Variants in OTUD3 observed in about 807,000 individuals in gnomAD.
OTUD3 encodes the protein OTU deubiquitinase 3.
A neutral mutation model predicts 46.2 loss-of-function variants in OTUD3; 24 were observed. That is an observed-to-expected ratio of 0.52 (90% CI 0.38 to 0.73). The LOEUF is 0.73. Ranked by LOEUF, OTUD3 falls within the 30% of genes least tolerant of loss-of-function variation. The probability of loss-of-function intolerance (pLI) is 0.00; values close to 1 mark genes in which losing one functional copy is unlikely to be tolerated. For synonymous variants in OTUD3, 189 were observed against 195.4 expected (o/e 0.97, Z 0.27); for missense variants, 455 against 523.3 (o/e 0.87, Z 1.27).
At position 19,897,540 on chromosome 1, in the gene OTUD3, A is replaced by G. The variant is rs917426897; in HGVS notation, c.484A>G (p.Ile162Val). The change falls in exon 4 of 8, where the codon ATT becomes GTT. Residue 162 changes from isoleucine to valine, a missense_variant and splice_region_variant. Coordinates refer to ENST00000375120, the MANE Select transcript of OTUD3 (RefSeq NM_015207.2). ...GCATGGCCCCTTCTTTTGTCTACAG[A>G]TTCGTGGTACAGAGAAAAGCAGCGT... ...IHQLNAPLWQ[I>V]RGTEKSSVRE... 3.1e-6 allele frequency: 5 copies of G among 1,613,748 alleles called. No individual in the cohort carries two copies. The highest frequency in any genetic ancestry group is 2.2e-5 in the South Asian group (2 of 91,058).
At position 19,910,919 on chromosome 1, in the gene OTUD3, G is replaced by A. The variant is rs1450087139; in HGVS notation, c.*3173G>A. On this transcript the variant is annotated 3_prime_UTR_variant, in exon 8 of 8. Transcript: ENST00000375120. Reference sequence around the variant, plus strand: ...ACTTCAGCGCTGAACTGTACTAGTAGTGAGTCCCTGTAGTCAATGTGCAAT... The same window carrying A: ...ACTTCAGCGCTGAACTGTACTAGTAATGAGTCCCTGTAGTCAATGTGCAAT... 6.6e-6 allele frequency: 1 copy of A among 152,386 alleles called. No homozygotes were observed. The highest frequency in any genetic ancestry group is 2.1e-4 in the South Asian group (1 of 4,832). 9.4% of individuals were successfully genotyped at this position (152,386 alleles called of 1,614,324 possible).
intron 4 of OTUD3, among the ~76,000 whole-genome samples, chr1:19,900,179 A>G (rs2045567213): frequency 6.6e-6 from 1 of 152,132 alleles, no homozygotes; most frequent in South Asian, 2.1e-4. Flanking sequence ...ATAGTTTAGA[A>G]TAGTACTTTC....
intron 4 of OTUD3, among the ~76,000 whole-genome samples, chr1:19,902,730 G>T (rs2045607777): frequency 1.3e-5 from 2 of 152,068 alleles, no homozygotes; most frequent in Admixed American, 1.3e-4. Context: ...TTGGTTTGCA[G>T]TAGTTTTTTG....
rs142232593 is a variant in OTUD3, at chr1:19,907,518, G to C, written c.1021-52G>C. 2.9e-3 allele frequency: 4,569 copies of C among 1,568,116 alleles called. 9 individuals are homozygous for C. The highest frequency in any genetic ancestry group is 3.6e-3 in the Non-Finnish European group (4,174 of 1,145,082). On this transcript the variant is annotated intron_variant, in intron 7 of 7. Coordinates refer to ENST00000375120, the MANE Select transcript of OTUD3 (RefSeq NM_015207.2). Reference sequence around the variant, plus strand: ...GCCACCATCTCCCTTCTAGCAGGTGGCAGCTTGAGTCCCCCGTGCTTCCTA... The same window carrying C: ...GCCACCATCTCCCTTCTAGCAGGTGCCAGCTTGAGTCCCCCGTGCTTCCTA...
At chr1:19,883,044 G>A (rs1431133195) in intron 1 of OTUD3, among the ~76,000 whole-genome samples, 4 of 152,238 alleles carry the variant, frequency 2.6e-5, no homozygotes, top group African/African-American at 7.2e-5. Flanking sequence ...CTCTCTCAAA[G>A]GTGACATTTA....
chr1:19,893,414 A>G (rs1199975001), intron 2 of OTUD3, among the ~76,000 whole-genome samples: 2 of 152,072 alleles, frequency 1.3e-5, no homozygotes, highest in African/African-American at 4.8e-5. Context: ...GAAAGGTTCC[A>G]GACACGAAGC....
intron 4 of OTUD3, among the ~76,000 whole-genome samples, chr1:19,900,488 C>G (rs1474122889): frequency 6.6e-6 from 1 of 152,024 alleles, no homozygotes; most frequent in East Asian, 1.9e-4. Context: ...CTGCACCCAG[C>G]TCATAGTTTG....
chr1:19,895,287 T>TTTAAAA (rs2045504606), intron 3 of OTUD3, among the ~76,000 whole-genome samples: 1 of 152,244 alleles, frequency 6.6e-6, no homozygotes. Context: ...TTTATAGGGA[T>TTTAAAA]ATAATTTACA....
At chr1:19,887,203 G>A (rs2045376281) in intron 1 of OTUD3, among the ~76,000 whole-genome samples, 1 of 151,732 alleles carries the variant, frequency 6.6e-6, no homozygotes, top group Non-Finnish European at 1.5e-5. Context: ...TCCTGCCTCG[G>A]CCTCCTGTGT....
chr1:19,887,406 TA>T (rs1240174853), intron 1 of OTUD3, among the ~76,000 whole-genome samples: 2 of 152,222 alleles, frequency 1.3e-5, no homozygotes, highest in African/African-American at 4.8e-5. Context: ...TATTTTCTTA[TA>T]TGACCGCTTC....
chr1:19,886,206 A>G (rs918959214), intron 1 of OTUD3, among the ~76,000 whole-genome samples: 5 of 152,180 alleles, frequency 3.3e-5, no homozygotes, highest in African/African-American at 1.2e-4. Context: ...GTATAACTCT[A>G]TTTATTAGGC....
chr1:19,893,004 T>G (rs562166207), intron 2 of OTUD3, among the ~76,000 whole-genome samples: 2 of 151,848 alleles, frequency 1.3e-5, no homozygotes, highest in African/African-American at 4.8e-5. Context: ...ATATTAGAGT[T>G]CTCTCTCTCT....
intron 1 of OTUD3, among the ~76,000 whole-genome samples, chr1:19,885,284 T>C (rs748543871): frequency 2.0e-5 from 3 of 152,210 alleles, no homozygotes; most frequent in African/African-American, 7.2e-5. Context: ...TTGTGTGGGC[T>C]TCATGGAGCT....
In OTUD3 at chr1:19,907,758, C is replaced by T; in HGVS notation, c.*12C>T. 3 of 1,611,946 alleles carry T rather than the reference C, an allele frequency of 1.9e-6. No individual in the cohort carries two copies. Among genetic ancestry groups the T allele is most frequent in the Non-Finnish European group, 2.5e-6 (3 of 1,178,222 alleles). On this transcript the variant is annotated 3_prime_UTR_variant, in exon 8 of 8. Coordinates refer to ENST00000375120, the MANE Select transcript of OTUD3 (RefSeq NM_015207.2). The stretch of plus-strand genomic sequence containing the variant: ...CTCTCAACATCTGACTCTTTGGCCT[C>T]TTGGGAGTTGTAAGAAGCGGCTGGA...
intron 3 of OTUD3, among the ~76,000 whole-genome samples, chr1:19,896,701 CA>C (rs1171936729): frequency 6.6e-6 from 1 of 152,204 alleles, no homozygotes; most frequent in Non-Finnish European, 1.5e-5. Context: ...GGAGTTTAAA[CA>C]AAGGAACCAT....
intron 1 of OTUD3, among the ~76,000 whole-genome samples, chr1:19,888,515 A>T (rs2045402564): frequency 2.6e-5 from 4 of 152,228 alleles, no homozygotes; most frequent in Non-Finnish European, 4.4e-5. Context: ...AAAGCATATT[A>T]AAAAATGTAA....
chr1:19,893,928 A>G (rs533699273), intron 2 of OTUD3, among the ~76,000 whole-genome samples: 4 of 152,322 alleles, frequency 2.6e-5, no homozygotes, highest in African/African-American at 9.6e-5. Flanking sequence ...CAGCTCTTTG[A>G]CCTTGGCACA....
chr1:19,897,367 C>T (rs999367854), intron 3 of OTUD3, among the ~76,000 whole-genome samples, 173 bp from the exon 4 acceptor site: 1 of 152,176 alleles, frequency 6.6e-6, no homozygotes, highest in Non-Finnish European at 1.5e-5. Context: ...GAAGCATACA[C>T]GCATAGGAAG....
rs1447107314 is a variant in OTUD3, at chr1:19,900,265, A to G, written c.606+2603A>G. 3.3e-5 allele frequency among the ~76,000 whole-genome samples: 5 copies of G among 152,044 alleles called. No homozygotes were observed. In the South Asian group the frequency reaches 6.2e-4, roughly 19 times the overall value. On this transcript the variant is annotated intron_variant, in intron 4 of 7. Coordinates refer to ENST00000375120, the MANE Select transcript of OTUD3 (RefSeq NM_015207.2). ...GTCGCCCAGGCTGGAGTGCAGTGCT[A>G]TGATCATGTTTCACTGCAGCCTCAA...
Sources: allele counts gnomAD v4.1 joint callset (sites outside exome capture counted in the v4.1 genomes callset), GRCh38; gene constraint gnomAD v4.1.1; transcripts MANE v1.5; gene names NCBI Gene and HGNC (gene_info 2026-07-23, HGNC 2026-07-21).